Variants in CPNE4 observed in about 807,000 individuals in gnomAD.
The protein encoded by CPNE4 is copine-4.
Under a neutral mutation model 67.9 loss-of-function variants are expected in CPNE4, and 25 were observed. That is an observed-to-expected ratio of 0.37 (90% CI 0.27 to 0.51). CPNE4 has a LOEUF of 0.51. CPNE4 is among the 20% of genes least tolerant of loss of function. CPNE4 has a pLI of 0.93. For synonymous variants in CPNE4, 242 were observed against 244.9 expected (o/e 0.99, Z 0.11); for missense variants, 464 against 690.8 (o/e 0.67, Z 3.68).
intron 1 of CPNE4, among the ~76,000 whole-genome samples, chr3:132,006,662 T>TG (rs1553828964): frequency 9.9e-5 from 15 of 151,944 alleles, no homozygotes; most frequent in African/African-American, 3.6e-4. Flanking sequence ...TCCATTTTTT[T>TG]TTGTTGTTGT....
chr3:132,010,912 T>A (rs1039104277), intron 1 of CPNE4, among the ~76,000 whole-genome samples: 14 of 152,058 alleles, frequency 9.2e-5, no homozygotes, highest in Admixed American at 9.2e-4. Flanking sequence ...CCTGATAGCT[T>A]CAAAGGCACC....
At chr3:131,874,124 T>C (rs55772913) in intron 2 of CPNE4, among the ~76,000 whole-genome samples, 1 of 151,356 alleles carries the variant, frequency 6.6e-6, no homozygotes, top group Non-Finnish European at 1.5e-5. Flanking sequence ...AATTTCGCTC[T>C]GTCGCCCAGG....
chr3:131,646,899 T>C (rs1038388154), intron 7 of CPNE4, among the ~76,000 whole-genome samples: 14 of 152,202 alleles, frequency 9.2e-5, no homozygotes, highest in African/African-American at 2.9e-4. Flanking sequence ...AATATCTTTG[T>C]TACCTTGGAA....
At chr3:131,609,080 T>C (rs1164012072) in intron 7 of CPNE4, among the ~76,000 whole-genome samples, 1 of 152,180 alleles carries the variant, frequency 6.6e-6, no homozygotes, top group African/African-American at 2.4e-5. Context: ...ATAAACTTTA[T>C]TCTATCCTTG....
intron 2 of CPNE4, among the ~76,000 whole-genome samples, chr3:131,812,665 C>T (rs1247590500): frequency 1.3e-5 from 2 of 152,158 alleles, no homozygotes; most frequent in Non-Finnish European, 2.9e-5. Flanking sequence ...TGAGCATTTA[C>T]TGTGTTCCAA....
intron 2 of CPNE4, among the ~76,000 whole-genome samples, chr3:131,760,763 A>G (rs1049646548): frequency 6.6e-6 from 1 of 152,178 alleles, no homozygotes; most frequent in African/African-American, 2.4e-5. Context: ...TAAATACGTG[A>G]CACTTTTTCT....
intron 7 of CPNE4, among the ~76,000 whole-genome samples, chr3:131,590,255 G>T (rs1156231967): frequency 6.6e-6 from 1 of 152,158 alleles, no homozygotes; most frequent in African/African-American, 2.4e-5. Context: ...AGCAGCATGA[G>T]ATGGCCCACT....
chr3:131,544,294 A>G (rs1935691335), intron 14 of CPNE4, among the ~76,000 whole-genome samples: 1 of 152,224 alleles, frequency 6.6e-6, no homozygotes, highest in African/African-American at 2.4e-5. Context: ...AGAATCATAT[A>G]CTTAATGTTG....
chr3:131,895,669 G>T (rs2088298689), intron 2 of CPNE4, among the ~76,000 whole-genome samples: 1 of 151,954 alleles, frequency 6.6e-6, no homozygotes, highest in Non-Finnish European at 1.5e-5. Flanking sequence ...CATCTAAAAT[G>T]AATGCATTTT....
chr3:131,772,219 T>C lies in CPNE4; in HGVS notation c.181-48594A>G, dbSNP rs569102417. ...GAAGGAATGACAAAGAAGAGAAGGC[T>C]ACTTAGCCCATACCTACACCATGCC... On this transcript the variant is annotated intron_variant, in intron 2 of 15. Coordinates refer to ENST00000429747, the MANE Select transcript of CPNE4 (RefSeq NM_130808.3). Among the ~76,000 whole-genome samples, 362 of 152,196 alleles carry C rather than the reference T, an allele frequency of 2.4e-3. 1 individual carries two copies. Among genetic ancestry groups the C allele is most frequent in the African/African-American group, 8.4e-3 (349 of 41,534 alleles).
At chr3:131,812,959 T>C (rs934649188) in intron 2 of CPNE4, among the ~76,000 whole-genome samples, 2 of 152,182 alleles carry the variant, frequency 1.3e-5, no homozygotes, top group Non-Finnish European at 2.9e-5. Flanking sequence ...AAAAAAGTAG[T>C]TTTTAAATCA....
At chr3:131,951,709 C>T (rs2071727725) in intron 1 of CPNE4, among the ~76,000 whole-genome samples, 2 of 149,852 alleles carry the variant, frequency 1.3e-5, no homozygotes, top group South Asian at 2.1e-4. Flanking sequence ...ACTGCAAGCG[C>T]GTGCCGCCAC....
At chr3:131,949,213 C>T (rs1490890080) in intron 1 of CPNE4, among the ~76,000 whole-genome samples, 3 of 152,150 alleles carry the variant, frequency 2.0e-5, no homozygotes, top group African/African-American at 7.2e-5. Flanking sequence ...TAAAGAAGCC[C>T]ACTTACCAAA....
chr3:131,905,955 C>T (rs1479984945), intron 1 of CPNE4, among the ~76,000 whole-genome samples: 1 of 152,146 alleles, frequency 6.6e-6, no homozygotes, highest in Non-Finnish European at 1.5e-5. Context: ...TCTCAAAATG[C>T]TCTCAGCAAG....
intron 1 of CPNE4, among the ~76,000 whole-genome samples, chr3:131,932,938 T>C (rs995984122): frequency 1.3e-5 from 2 of 152,114 alleles, no homozygotes; most frequent in South Asian, 2.1e-4. Context: ...GAAGGATCGC[T>C]TGAACCTGGG....
intron 10 of CPNE4, among the ~76,000 whole-genome samples, chr3:131,573,958 A>G (rs1349528368): frequency 2.0e-5 from 3 of 152,078 alleles, no homozygotes; most frequent in Non-Finnish European, 4.4e-5. Context: ...CCTCCCTGAG[A>G]TTAGGGCAGA....
intron 2 of CPNE4, among the ~76,000 whole-genome samples, chr3:131,887,468 T>C (rs2087942617): frequency 6.6e-6 from 1 of 152,202 alleles, no homozygotes; most frequent in Non-Finnish European, 1.5e-5. Flanking sequence ...AGTTCTCTCA[T>C]CTGTAGAATG....
At chr3:131,564,963 G>T (rs553943072) in intron 10 of CPNE4, among the ~76,000 whole-genome samples, 1 of 151,972 alleles carries the variant, frequency 6.6e-6, no homozygotes, top group African/African-American at 2.4e-5. Flanking sequence ...GAATGTTATC[G>T]CATTGTGAGT....
chr3:131,776,927 T>G (rs1213038546), intron 2 of CPNE4, among the ~76,000 whole-genome samples: 1 of 152,164 alleles, frequency 6.6e-6, no homozygotes, highest in African/African-American at 2.4e-5. Context: ...AATTAAGGTA[T>G]GACAGGGCAA....
Sources: gnomAD v4.1 joint callset for allele counts (sites outside exome capture counted in the v4.1 genomes callset) on GRCh38, gnomAD v4.1.1 for gene constraint, MANE v1.5 for transcripts, NCBI Gene and HGNC (gene_info 2026-07-23, HGNC 2026-07-21) for gene names.